The following RTN4RL1 variants were observed in gnomAD, a reference collection of about 807,000 sequenced individuals.
RTN4RL1 encodes the protein reticulon-4 receptor-like 1.
RTN4RL1 carries 7 observed loss-of-function variants against 25.6 expected under a neutral mutation model. That is an observed-to-expected ratio of 0.27 (90% confidence interval 0.16 to 0.51). The LOEUF is 0.51. Among genes scored for constraint, RTN4RL1 ranks in the 20% least tolerant of loss-of-function variants. The pLI is 0.97. For missense variants in RTN4RL1, 500 were observed against 615.6 expected (o/e 0.81, Z 1.99); for synonymous variants, 297 against 288.2 (o/e 1.03, Z -0.31).
chr17:1,967,458 C>T (rs1047785483), intron 1 of RTN4RL1, among the ~76,000 whole-genome samples: 3 of 151,838 alleles, frequency 2.0e-5, no homozygotes, highest in Admixed American at 6.6e-5. Context: ...CCACAAAACC[C>T]GCCCAACCCA....
intron 1 of RTN4RL1, among the ~76,000 whole-genome samples, chr17:2,009,015 T>C (rs181798772): frequency 1.1e-4 from 17 of 152,244 alleles, no homozygotes; most frequent in African/African-American, 3.9e-4. Flanking sequence ...TGAGAGTTCA[T>C]TCAGGAAATG....
At position 2,014,788 on chromosome 17, in the gene RTN4RL1, C is replaced by T. The variant is rs138664048; in HGVS notation, c.13+10065G>A. ...CAGAGGTTGCAGTGAGCTGAGATTG[C>T]GCCACTGCACTCCAGCCTGGACGAC... On this transcript the variant is annotated intron_variant, in intron 1 of 1. Transcript: ENST00000331238. Among the ~76,000 whole-genome samples the T allele has an allele frequency of 1.7e-3, 260 of 151,336 alleles. 2 individuals are homozygous for T. Among genetic ancestry groups the T allele is most frequent in the African/African-American group, 5.7e-3 (235 of 41,170 alleles).
chr17:1,999,905 G>T lies in RTN4RL1; in HGVS notation c.13+24948C>A, dbSNP rs540929575. Among the ~76,000 whole-genome samples, 8 of 152,258 alleles carry T rather than the reference G, an allele frequency of 5.3e-5. No homozygotes were observed. The East Asian group carries it at 1.3e-3, about 26-fold the overall frequency. On this transcript the variant is annotated intron_variant, in intron 1 of 1. Transcript: ENST00000331238. ...CCTCTCCTGTCTAGGGCCCAGAGCA[G>T]CTGGGGCAGGCCTGTCCCCAGGGGG...
intron 1 of RTN4RL1, among the ~76,000 whole-genome samples, chr17:1,991,923 T>C (rs2066910609): frequency 6.6e-6 from 1 of 152,178 alleles, no homozygotes; most frequent in Non-Finnish European, 1.5e-5. Flanking sequence ...TAACTGACTC[T>C]GACTGAGAAG....
intron 1 of RTN4RL1, among the ~76,000 whole-genome samples, chr17:1,987,132 T>C (rs776051194): frequency 2.6e-5 from 4 of 152,120 alleles, no homozygotes; most frequent in Admixed American, 6.5e-5. Context: ...GGGCCACCCA[T>C]GATATGTTCC....
At chr17:1,981,735 C>A (rs1373630352) in intron 1 of RTN4RL1, among the ~76,000 whole-genome samples, 2 of 152,228 alleles carry the variant, frequency 1.3e-5, no homozygotes, top group Admixed American at 1.3e-4. Context: ...TCCCAGGAAG[C>A]TCTAGAACCC....
At position 1,994,852 on chromosome 17, in the gene RTN4RL1, C is replaced by T. The variant is rs1347125676; in HGVS notation, c.13+30001G>A. Among the ~76,000 whole-genome samples, 1 of 151,816 alleles carries T rather than the reference C, an allele frequency of 6.6e-6. No homozygotes were observed. The highest frequency in any genetic ancestry group is 2.4e-5 in the African/African-American group (1 of 41,292). ...CTCATACCTGCATATAATCCCAGTA[C>T]TTTGGGAAGCCGAGGTGGGAGGACT... On this transcript the variant is annotated intron_variant, in intron 1 of 1. Coordinates refer to ENST00000331238, the MANE Select transcript of RTN4RL1 (RefSeq NM_178568.4). The surrounding 1 kb of genome is among the most constrained non-coding windows in gnomAD (Gnocchi z 4.3).
intron 1 of RTN4RL1, among the ~76,000 whole-genome samples, chr17:2,022,938 A>G (rs1206936015): frequency 6.6e-6 from 1 of 152,186 alleles, no homozygotes; most frequent in Non-Finnish European, 1.5e-5. Flanking sequence ...CCCACAGTGC[A>G]CTGTGCTCAT....
chr17:1,935,747 A>ATATATATG lies in RTN4RL1; in HGVS notation c.*741_*748dup. 7.6e-6 allele frequency: 2 copies of ATATATATG among 264,018 alleles called. No individual in the cohort carries two copies. Among genetic ancestry groups the ATATATATG allele is most frequent in the Middle Eastern group, 2.1e-3 (1 of 484 alleles). The allele number at this position is 264,018 out of a possible 1,614,324, so 16.4% of individuals were successfully genotyped here. A position where few individuals can be genotyped will look rare whatever the true frequency, so the allele number is the denominator to read the frequency against. On this transcript the variant is annotated 3_prime_UTR_variant, in exon 2 of 2. Coordinates refer to ENST00000331238, the MANE Select transcript of RTN4RL1 (RefSeq NM_178568.4). ...TATATATATATATATATATATATAT[A>ATATATATG]TATATATGTAGAGTGTGAATATATA...
intron 1 of RTN4RL1, among the ~76,000 whole-genome samples, chr17:1,950,760 C>T (rs997885209): frequency 4.2e-5 from 6 of 143,578 alleles, no homozygotes; most frequent in Non-Finnish European, 6.0e-5. Flanking sequence ...GGCTGAGAAT[C>T]GCTTGAACCC....
rs1734855456 is a variant in RTN4RL1, at chr17:1,994,331, G to C, written c.13+30522C>G. 6.6e-6 allele frequency among the ~76,000 whole-genome samples: 1 copy of C among 152,038 alleles called. No homozygotes were observed. Among genetic ancestry groups the C allele is most frequent in the Non-Finnish European group, 1.5e-5 (1 of 68,000 alleles). ...AGCAACTAGATGCCTTGGGGGCACA[G>C]CCATGTCTCCCCTGTGCTGAGCCCA... On this transcript the variant is annotated intron_variant, in intron 1 of 1. Coordinates refer to ENST00000331238, the MANE Select transcript of RTN4RL1 (RefSeq NM_178568.4). The surrounding 1 kb of genome is among the most constrained non-coding windows in gnomAD (Gnocchi z 4.3).
chr17:1,966,431 G>A (rs1482512488), intron 1 of RTN4RL1, among the ~76,000 whole-genome samples: 1 of 152,178 alleles, frequency 6.6e-6, no homozygotes, highest in East Asian at 1.9e-4. Context: ...ATGGAGGGAG[G>A]GGGTGTAGGA....
rs1230197942 is a variant in RTN4RL1 at position 1,999,458 on chromosome 17, AC to A, written c.13+25394del. On this transcript the variant is annotated intron_variant, in intron 1 of 1. Transcript: ENST00000331238. ...AAGACTCCGTCTCGAAAAAAATAAA[AC>A]ACACACACACACACACACATGAACT... Among the ~76,000 whole-genome samples, 4 of 21,070 alleles carry A rather than the reference AC, an allele frequency of 1.9e-4. No homozygotes were observed. The East Asian group carries it at 3.2e-3, about 17-fold the overall frequency. 13.8% of individuals were successfully genotyped at this position (21,070 alleles called of 152,430 possible).
chr17:2,014,911 T>C (rs1035957036), intron 1 of RTN4RL1, among the ~76,000 whole-genome samples: 3 of 149,664 alleles, frequency 2.0e-5, no homozygotes, highest in Non-Finnish European at 4.4e-5. Context: ...TTCAAAGCAG[T>C]GGGGAGAAAG....
intron 1 of RTN4RL1, among the ~76,000 whole-genome samples, chr17:2,005,123 A>C (rs2066984297): frequency 2.0e-5 from 3 of 152,094 alleles, no homozygotes; most frequent in African/African-American, 4.8e-5. Flanking sequence ...CTCCTACCTC[A>C]GCCTCTCCAG....
rs201173849 is a variant in RTN4RL1 at position 2,002,638 on chromosome 17, C to CCCTT, written c.13+22211_13+22214dup. 7.1e-4 allele frequency among the ~76,000 whole-genome samples: 108 copies of CCCTT among 152,104 alleles called. 1 individual carries two copies. Among genetic ancestry groups the CCCTT allele is most frequent in the African/African-American group, 2.5e-3 (102 of 41,468 alleles). ...TCTGTCTCTTCCCTCCTCCCTCCCT[C>CCCTT]CCTTCCTTCCTTCCTTTCTTTTCTC... On this transcript the variant is annotated intron_variant, in intron 1 of 1. Coordinates refer to ENST00000331238, the MANE Select transcript of RTN4RL1 (RefSeq NM_178568.4).
At chr17:2,018,986 G>A (rs1419843798) in intron 1 of RTN4RL1, 1 of 152,202 alleles carries the variant, frequency 6.6e-6, no homozygotes, top group Admixed American at 6.5e-5. Flanking sequence ...TGAAGCCCGA[G>A]GTGGCTGGGA....
At chr17:1,970,936 A>G (rs1426204762) in intron 1 of RTN4RL1, among the ~76,000 whole-genome samples, 3 of 152,250 alleles carry the variant, frequency 2.0e-5, no homozygotes, top group African/African-American at 7.2e-5. Context: ...GAGCCTACAC[A>G]TAATCACTCA....
At chr17:1,973,988 G>A (rs564737176) in intron 1 of RTN4RL1, among the ~76,000 whole-genome samples, 13 of 142,296 alleles carry the variant, frequency 9.1e-5, no homozygotes, top group Middle Eastern at 3.9e-3. Context: ...GCAGTGAGCC[G>A]AGATTGCGCC....
Sources: gnomAD v4.1 joint callset for allele counts (sites outside exome capture counted in the v4.1 genomes callset) on GRCh38, gnomAD v4.1.1 for gene constraint, Gnocchi (gnomAD v3.1) non-coding constraint, MANE v1.5 for transcripts, NCBI Gene and HGNC (gene_info 2026-07-23, HGNC 2026-07-21) for gene names.